The following CD96 variants were observed in gnomAD, a reference collection of about 807,000 sequenced individuals.
CD96 encodes the protein CD96 molecule, also known as T-cell surface protein tactile.
Under a neutral mutation model 71.3 loss-of-function variants are expected in CD96, and 70 were observed. The ratio of observed to expected loss-of-function variants is 0.98; its 90% CI spans 0.81 to 1.20. The LOEUF is 1.20. Among genes scored for constraint, CD96 ranks in the 50% most tolerant of loss-of-function variants. CD96 has a pLI of 0.00. For synonymous variants in CD96, 248 were observed against 233.0 expected, an observed-to-expected ratio of 1.06 and a Z score of -0.59; for missense variants, 742 against 677.5, an observed-to-expected ratio of 1.10 and a Z score of -1.06.
chr3:111,579,345 G>C (rs748768057), intron 4 of CD96, 111 bp downstream of exon 4: 2 of 767,070 alleles, frequency 2.6e-6, no homozygotes, highest in East Asian at 2.5e-5. Context: ...GTGGGTAACA[G>C]TGCTGGAGTC....
At chr3:111,599,872 T>G (rs980307406) in intron 6 of CD96, among the ~76,000 whole-genome samples, 1 of 152,266 alleles carries the variant, frequency 6.6e-6, no homozygotes, top group African/African-American at 2.4e-5. Context: ...TGGTAAGTAA[T>G]TACATCAGAA....
At chr3:111,644,833 G>C (rs991844643) in intron 12 of CD96, among the ~76,000 whole-genome samples, 1 of 152,228 alleles carries the variant, frequency 6.6e-6, no homozygotes, top group Non-Finnish European at 1.5e-5. Flanking sequence ...CCTTAGTCCT[G>C]TAAGAATGGC....
At chr3:111,624,273 G>C in intron 9 of CD96, 60 bp from the exon 10 acceptor site, 2 of 1,145,972 alleles carry the variant, frequency 1.7e-6, no homozygotes, top group Non-Finnish European at 1.3e-6. Flanking sequence ...GTGCATCAAA[G>C]CAAAGTTAAA....
At chr3:111,658,270 T>C (rs983979600) in intron 14 of CD96, among the ~76,000 whole-genome samples, 5 of 152,014 alleles carry the variant, frequency 3.3e-5, no homozygotes, top group African/African-American at 1.2e-4. Context: ...TATTAATGAG[T>C]TAGAAACCAT....
chr3:111,619,514 A>G (rs1449814656), intron 8 of CD96, among the ~76,000 whole-genome samples: 2 of 152,254 alleles, frequency 1.3e-5, no homozygotes, highest in African/African-American at 4.8e-5. Context: ...AACAATCAGC[A>G]AACAAAGCCA....
At chr3:111,563,227 A>C (rs1935544327) in intron 2 of CD96, among the ~76,000 whole-genome samples, 1 of 152,254 alleles carries the variant, frequency 6.6e-6, no homozygotes, top group African/African-American at 2.4e-5. Flanking sequence ...AGAGGGGAGA[A>C]GCATTCAAAT....
At chr3:111,619,178 G>T (rs971947647) in intron 8 of CD96, among the ~76,000 whole-genome samples, 6 of 152,170 alleles carry the variant, frequency 3.9e-5, no homozygotes, top group African/African-American at 7.2e-5. Flanking sequence ...TTTAGAACAT[G>T]TTTCTGTCTG....
At chr3:111,555,352 A>G (rs1576308474) in intron 2 of CD96, among the ~76,000 whole-genome samples, 1 of 152,398 alleles carries the variant, frequency 6.6e-6, no homozygotes, top group Non-Finnish European at 1.5e-5. Context: ...AATTGGAGTT[A>G]CTGTTTGTTG....
chr3:111,622,793 C>T (rs981758467), intron 8 of CD96, among the ~76,000 whole-genome samples: 1 of 152,198 alleles, frequency 6.6e-6, no homozygotes, highest in African/African-American at 2.4e-5. Flanking sequence ...AACTATTTCT[C>T]TAGCTATTCA....
At chr3:111,580,549 C>A (rs1336950706) in intron 4 of CD96, among the ~76,000 whole-genome samples, 2 of 152,230 alleles carry the variant, frequency 1.3e-5, no homozygotes, top group South Asian at 2.1e-4. Flanking sequence ...CCTCAATTCT[C>A]TAAAGGGCAG....
At chr3:111,599,395 T>A (rs1190471116) in intron 6 of CD96, among the ~76,000 whole-genome samples, 1 of 150,774 alleles carries the variant, frequency 6.6e-6, no homozygotes, top group African/African-American at 2.4e-5. Context: ...CCCACAACAA[T>A]GACAGAATGC....
At chr3:111,597,892 A>C (rs1937330104) in intron 5 of CD96, among the ~76,000 whole-genome samples, 1 of 152,178 alleles carries the variant, frequency 6.6e-6, no homozygotes, top group African/African-American at 2.4e-5. Flanking sequence ...CTAGATCCTT[A>C]AGTTGACCTA....
intron 3 of CD96, among the ~76,000 whole-genome samples, chr3:111,569,470 G>A (rs542244991): frequency 6.6e-6 from 1 of 152,310 alleles, no homozygotes; most frequent in South Asian, 2.1e-4. Flanking sequence ...ATAGTTCTGA[G>A]AAAAAGGTTA....
At chr3:111,656,469 A>G (rs1184246219), downstream of CD96, among the ~76,000 whole-genome samples, 2 of 152,184 alleles carry the variant, frequency 1.3e-5, no homozygotes. Context: ...AAAACTATAT[A>G]TTAATTTATT....
chr3:111,611,065 A>G (rs910879492), intron 8 of CD96, among the ~76,000 whole-genome samples: 1 of 152,156 alleles, frequency 6.6e-6, no homozygotes, highest in Non-Finnish European at 1.5e-5. Context: ...ACTGCCCATC[A>G]GTCCCTTTGG....
rs1334813237 is a variant in CD96 at position 111,561,466 on chromosome 3, C to T, written c.419-6057C>T. ...GCTGCAGGTCTGTTGGAATACCCTG[C>T]CTTGTGAGGTGTCAGTGTGCCCCTG... is the stretch of plus-strand genomic sequence containing the variant. On this transcript the variant is annotated intron_variant, in intron 2 of 13. Transcript: ENST00000352690. Among the ~76,000 whole-genome samples the T allele has an allele frequency of 1.7e-3, 232 of 139,580 alleles. 5 individuals are homozygous for T. Among genetic ancestry groups the T allele is most frequent in the African/African-American group, 5.6e-3 (227 of 40,704 alleles). 91.6% of individuals were successfully genotyped at this position (139,580 alleles called of 152,430 possible). A position where few individuals can be genotyped will look rare whatever the true frequency, so the allele number is the denominator to read the frequency against.
At chr3:111,594,735 G>A (rs1180127847) in intron 5 of CD96, 1 of 167,584 alleles carries the variant, frequency 6.0e-6, no homozygotes, top group Non-Finnish European at 1.5e-5. Flanking sequence ...GGGCCTCACT[G>A]GGTCTTGCTC....
chr3:111,570,148 C>T (rs900385591), intron 3 of CD96, among the ~76,000 whole-genome samples: 2 of 152,186 alleles, frequency 1.3e-5, no homozygotes, highest in African/African-American at 4.8e-5. Flanking sequence ...AATCCCCTCT[C>T]TCCCACCTTT....
In CD96 at chr3:111,579,172, CT is replaced by C. The variant is rs1936354796; in HGVS notation, c.691del (p.Cys231AlafsTer11). 2 of 1,611,326 alleles carry C rather than the reference CT, an allele frequency of 1.2e-6. No individual in the cohort carries two copies. Among genetic ancestry groups the C allele is most frequent in the Admixed American group, 1.7e-5 (1 of 60,002 alleles). ...ATCTTCGATGATGGGCGGAAGTTCT[CT>C]TGCCACATTAGAGTCGGTCCTAACA... is the stretch of plus-strand genomic sequence containing the variant. ...VQIFDDGRKF[S>X]CHIRVGPNKI... is the part of the protein sequence containing the mutation. On this transcript the variant is annotated frameshift_variant, in exon 4 of 14. Transcript: ENST00000352690. LOFTEE classifies it high-confidence loss of function.
Sources: gnomAD v4.1 joint callset for allele counts (sites outside exome capture counted in the v4.1 genomes callset) on GRCh38, gnomAD v4.1.1 for gene constraint, MANE v1.5 for transcripts, NCBI Gene and HGNC (gene_info 2026-07-23, HGNC 2026-07-21) for gene names.